EPG5: variants seen among roughly 807,000 people sequenced by gnomAD.
EPG5 encodes the protein ectopic P granules protein 5 homolog.
In EPG5, 159 loss-of-function variants were observed where a neutral mutation model predicts 302.7. The observed-to-expected ratio is 0.53, with a 90% CI of 0.46 to 0.60. The LOEUF is 0.60. EPG5 is among the 20% of genes least tolerant of loss of function. The pLI is 0.00. For missense variants in EPG5, 2,896 were observed against 3,092.4 expected, an observed-to-expected ratio of 0.94 and a Z score of 1.51; for synonymous variants, 1,158 against 1,136.8, an observed-to-expected ratio of 1.02 and a Z score of -0.37.
At chr18:45,833,288 G>A in the EPG5 span, among the ~76,000 whole-genome samples, 1 of 151,986 alleles carries the variant, frequency 6.6e-6, no homozygotes, top group Admixed American at 6.6e-5. Flanking sequence ...CACCTGATGG[G>A]GTTGTTGTGC....
chr18:45,857,432 T>C (rs1440151488), intron 42 of EPG5, among the ~76,000 whole-genome samples: 2 of 152,148 alleles, frequency 1.3e-5, no homozygotes, highest in Non-Finnish European at 2.9e-5. Context: ...TTAACCCAGC[T>C]TGACGACTTT....
the EPG5 span, chr18:45,838,995 C>T: frequency 8.1e-6 from 13 of 1,597,444 alleles, no homozygotes; most frequent in Non-Finnish European, 1.1e-5. Context: ...TCCATGGCGC[C>T]AGCGGGGCCT....
At chr18:45,837,948 G>C in the EPG5 span, 3 of 1,428,512 alleles carry the variant, frequency 2.1e-6, no homozygotes, top group Non-Finnish European at 2.7e-6. Flanking sequence ...CCTCCCGCCT[G>C]CCCCGCCCCA....
At chr18:45,842,335 C>T in the EPG5 span, 3 of 716,912 alleles carry the variant, frequency 4.2e-6, no homozygotes, top group South Asian at 5.4e-5. Context: ...CAAGACCCTG[C>T]TCAAGGAGGC....
At chr18:45,815,228 C>G in the EPG5 span, among the ~76,000 whole-genome samples, 1 of 152,124 alleles carries the variant, frequency 6.6e-6, no homozygotes, top group African/African-American at 2.4e-5. Context: ...TATATGCCCA[C>G]CCAACAGTAA....
chr18:45,857,668 A>G, intron 42 of EPG5, 185 bp downstream of exon 42: 2 of 560,170 alleles, frequency 3.6e-6, no homozygotes, highest in East Asian at 2.9e-5. Flanking sequence ...AAAAATAAAA[A>G]TGCTTTTTAG....
chr18:45,912,551 C>T, intron 21 of EPG5, 95 bp from the exon 22 acceptor site: 3 of 1,179,952 alleles, frequency 2.5e-6, no homozygotes, highest in Non-Finnish European at 3.6e-6. Flanking sequence ...ACCAAACATT[C>T]TGTTTTCAAT....
At chr18:45,807,539 G>A in the EPG5 span, among the ~76,000 whole-genome samples, 26 of 152,256 alleles carry the variant, frequency 1.7e-4, no homozygotes, top group South Asian at 4.4e-3. Flanking sequence ...ACCCACAGAC[G>A]GTTCACATCA....
rs779034631 is a variant in EPG5 at position 45,952,448 on chromosome 18, T to C, written c.1204A>G (p.Ser402Gly). The change falls in exon 3 of 44, where the codon AGT becomes GGT. Residue 402 changes from serine (S) to glycine (G), a missense_variant. Around this residue, in one of 5 missense-constraint regions of EPG5, gnomAD observed 1,390 missense variants for 1,430.0 expected, o/e 0.97. Transcript: ENST00000282041. ...QVESYIYALL[S>G]SSAVLRSSAI... ...GAAGATCTCAGAACAGCTGAACTAC[T>C]GAGCAATGCATAGATGTAAGACTCC... 3.1e-6 allele frequency: 5 copies of C among 1,614,214 alleles called. No homozygotes were observed. The South Asian group carries it at 5.5e-5, about 18-fold the overall frequency.
At chr18:45,884,567 CA>C in intron 30 of EPG5, 49 bp downstream of exon 30, 1 of 1,494,916 alleles carries the variant, frequency 6.7e-7, no homozygotes, top group Non-Finnish European at 9.0e-7. Flanking sequence ...GAGGAAGCAA[CA>C]ATCATTCCTA....
chr18:45,897,173 C>T (rs1010998119), intron 27 of EPG5, among the ~76,000 whole-genome samples: 3 of 152,184 alleles, frequency 2.0e-5, no homozygotes, highest in East Asian at 1.9e-4. Context: ...CACTGCAAGG[C>T]CCAGAGAGTT....
intron 40 of EPG5, 136 bp downstream of exon 40, chr18:45,859,968 A>T: frequency 8.6e-7 from 1 of 1,158,178 alleles, no homozygotes; most frequent in Non-Finnish European, 1.2e-6. Context: ...AGAAACATCC[A>T]CAACATTTGT....
intron 20 of EPG5, 137 bp downstream of exon 20, chr18:45,915,374 T>C: frequency 1.5e-6 from 1 of 651,144 alleles, no homozygotes; most frequent in Middle Eastern, 4.1e-4. Context: ...CTGTAAAGAT[T>C]AAATGAAAAA....
chr18:45,903,151 G>A (rs2145604061), intron 25 of EPG5, among the ~76,000 whole-genome samples: 1 of 152,282 alleles, frequency 6.6e-6, no homozygotes, highest in East Asian at 1.9e-4. Flanking sequence ...ATAGAAAAAT[G>A]AGAATCTACG....
intron 35 of EPG5, among the ~76,000 whole-genome samples, chr18:45,871,468 T>A (rs2048870737): frequency 6.6e-6 from 1 of 152,188 alleles, no homozygotes; most frequent in African/African-American, 2.4e-5. Context: ...GGAGAAGGGA[T>A]AACCACACTC....
At chr18:45,890,731 T>C (rs1206274660) in intron 27 of EPG5, among the ~76,000 whole-genome samples, 1 of 152,154 alleles carries the variant, frequency 6.6e-6, no homozygotes, top group Non-Finnish European at 1.5e-5. Flanking sequence ...ATTTTTTGGA[T>C]GTGGATAGAG....
chr18:45,917,802 G>C lies in EPG5; in HGVS notation c.3116C>G (p.Ala1039Gly), dbSNP rs2050066728. 1.9e-6 allele frequency: 3 copies of C among 1,614,110 alleles called. No individual in the cohort carries two copies. In the African/African-American group the frequency reaches 4.0e-5, roughly 22 times the overall value. The change falls in exon 17 of 44, where the codon GCA (alanine) becomes GGA (glycine). Residue 1039 changes from alanine (A) to glycine (G), a missense_variant. Coordinates refer to ENST00000282041, the MANE Select transcript of EPG5 (RefSeq NM_020964.3). ...AVGHSIEKFC[A>G]EGIPLLGILV... is the part of the protein sequence containing the mutation. ...AATTCCCAATAGTGGGATGCCTTCT[G>C]CACAGAACTTCTCAATGCTATGGAA...
chr18:45,871,959 A>C (rs934046517), intron 35 of EPG5, among the ~76,000 whole-genome samples: 8 of 152,244 alleles, frequency 5.3e-5, no homozygotes, highest in African/African-American at 1.7e-4. Context: ...TAAACAATGA[A>C]AGGTAAGCAA....
At position 45,883,623 on chromosome 18, in the gene EPG5, T is replaced by G. The variant is rs997580442; in HGVS notation, c.5304+994A>C. ...GTACCACTAGCCTGGTGTTTTTTTT[T>G]TTTTTTTTTTTTTTTTTTGTACAGA... On this transcript the variant is annotated intron_variant, in intron 30 of 43. Coordinates refer to ENST00000282041, the MANE Select transcript of EPG5 (RefSeq NM_020964.3). Among the ~76,000 whole-genome samples the G allele has an allele frequency of 1.9e-4, 26 of 135,388 alleles. 1 individual carries two copies. The highest frequency in any genetic ancestry group is 4.4e-4 in the African/African-American group (15 of 34,032). 88.8% of individuals were successfully genotyped at this position (135,388 alleles called of 152,430 possible). A position where few individuals can be genotyped will look rare whatever the true frequency, so the allele number is the denominator to read the frequency against.
Sources: allele counts gnomAD v4.1 joint callset (sites outside exome capture counted in the v4.1 genomes callset), GRCh38; gene constraint gnomAD v4.1.1; regional missense constraint gnomAD v4.1.1; transcripts MANE v1.5; gene names NCBI Gene and HGNC (gene_info 2026-07-23, HGNC 2026-07-21).